Variants in MECOM observed in about 807,000 individuals in gnomAD.
MECOM encodes the protein histone-lysine N-methyltransferase MECOM.
MECOM carries 13 observed loss-of-function variants against 116.3 expected under a neutral mutation model. The ratio of observed to expected loss-of-function variants is 0.11; its 90% CI spans 0.07 to 0.18. MECOM has a LOEUF of 0.18. Ranked by LOEUF, MECOM falls within the 10% of genes least tolerant of loss-of-function variation. The pLI is 1.00. For synonymous variants in MECOM, 528 were observed against 535.2 expected (o/e 0.99, Z 0.19); for missense variants, 1,299 against 1,509.0 (o/e 0.86, Z 2.31).
At chr3:169,244,982 A>T (rs1452333665) in intron 2 of MECOM, among the ~76,000 whole-genome samples, 1 of 152,242 alleles carries the variant, frequency 6.6e-6, no homozygotes, top group Non-Finnish European at 1.5e-5. Context: ...AACAAACAAC[A>T]GCAAAAAAAC....
chr3:169,200,349 C>G (rs1044315128), intron 2 of MECOM, among the ~76,000 whole-genome samples: 7 of 152,028 alleles, frequency 4.6e-5, no homozygotes, highest in African/African-American at 1.7e-4. Flanking sequence ...CTTTTCGTCT[C>G]TACATTCATG....
At chr3:169,412,061 G>A (rs1047323506) in intron 1 of MECOM, among the ~76,000 whole-genome samples, 3 of 151,436 alleles carry the variant, frequency 2.0e-5, no homozygotes, top group Admixed American at 1.3e-4. Flanking sequence ...CAAGGCAGGT[G>A]GATCACCTGA....
chr3:169,347,399 C>T (rs564740158), intron 2 of MECOM, among the ~76,000 whole-genome samples: 2 of 151,984 alleles, frequency 1.3e-5, no homozygotes, highest in Non-Finnish European at 2.9e-5. Flanking sequence ...TGTCCGCATA[C>T]ACACAATGTC....
intron 1 of MECOM, among the ~76,000 whole-genome samples, chr3:169,644,273 T>C (rs1245266882): frequency 2.1e-5 from 3 of 143,382 alleles, no homozygotes; most frequent in East Asian, 4.1e-4. Context: ...TATTTATTTA[T>C]TGAGACAGGG....
intron 3 of MECOM, among the ~76,000 whole-genome samples, chr3:169,136,579 T>A (rs1188480054): frequency 1.3e-5 from 2 of 152,036 alleles, no homozygotes; most frequent in Non-Finnish European, 2.9e-5. Flanking sequence ...TAAAAGACTT[T>A]CAGTCTAACT....
intron 1 of MECOM, among the ~76,000 whole-genome samples, chr3:169,442,670 AAAAC>A (rs1040587437): frequency 5.9e-5 from 9 of 152,330 alleles, no homozygotes; most frequent in African/African-American, 2.2e-4. Flanking sequence ...GCAAACAGGC[AAAAC>A]AAACAAATAA....
intron 2 of MECOM, among the ~76,000 whole-genome samples, chr3:169,207,479 T>A (rs948328987): frequency 6.6e-6 from 1 of 152,178 alleles, no homozygotes; most frequent in Admixed American, 6.6e-5. Flanking sequence ...TAAGAAAAGA[T>A]CATCTAAAAT....
intron 2 of MECOM, among the ~76,000 whole-genome samples, chr3:169,247,553 C>A (rs1015174374): frequency 3.9e-5 from 6 of 152,340 alleles, no homozygotes; most frequent in Admixed American, 3.9e-4. Context: ...ATCTACCCGC[C>A]TCGGCCTCCC....
chr3:169,354,443 T>G (rs76821004), intron 2 of MECOM, among the ~76,000 whole-genome samples: 3,685 of 152,034 alleles, frequency 0.024, 84 homozygotes, highest in East Asian at 0.073. Context: ...TTCATAATAT[T>G]TCCATATTTA....
chr3:169,560,481 T>C (rs1266305122), intron 1 of MECOM, among the ~76,000 whole-genome samples: 1 of 152,142 alleles, frequency 6.6e-6, no homozygotes, highest in African/African-American at 2.4e-5. Flanking sequence ...TTATAAAAAA[T>C]TTATATCCCC....
intron 1 of MECOM, among the ~76,000 whole-genome samples, chr3:169,568,725 G>A (rs1199791804): frequency 6.6e-6 from 1 of 152,072 alleles, no homozygotes; most frequent in South Asian, 2.1e-4. Context: ...CCAGTCAGGG[G>A]TTTATAGTTC....
At chr3:169,663,195 G>T in intron 1 of MECOM, 141 bp downstream of exon 1, 1 of 929,606 alleles carries the variant, frequency 1.1e-6, no homozygotes, top group Non-Finnish European at 1.7e-6. Flanking sequence ...CCGGCAGGTT[G>T]CTGGGGCTGC....
chr3:169,152,395 G>A (rs1452180314), intron 2 of MECOM, among the ~76,000 whole-genome samples: 4 of 152,182 alleles, frequency 2.6e-5, no homozygotes, highest in African/African-American at 9.7e-5. Context: ...TTCTCCAGGA[G>A]AAGACAGAAG....
intron 1 of MECOM, among the ~76,000 whole-genome samples, chr3:169,562,312 G>A (rs780546689): frequency 1.3e-5 from 2 of 152,040 alleles, no homozygotes; most frequent in Non-Finnish European, 2.9e-5. Context: ...ATAAACAGTG[G>A]TTAGAACTGA....
At chr3:169,540,497 T>C (rs769067865) in intron 1 of MECOM, among the ~76,000 whole-genome samples, 4 of 152,264 alleles carry the variant, frequency 2.6e-5, no homozygotes, top group Non-Finnish European at 4.4e-5. Context: ...AATGTGGCCA[T>C]GTCATGGCCC....
chr3:169,535,303 G>A (rs1759213972), intron 1 of MECOM, among the ~76,000 whole-genome samples: 1 of 151,986 alleles, frequency 6.6e-6, no homozygotes, highest in South Asian at 2.1e-4. Flanking sequence ...CCATCCCATT[G>A]GCCCCAAGAG....
At chr3:169,613,704 C>A (rs1318386615) in intron 1 of MECOM, 2 of 152,200 alleles carry the variant, frequency 1.3e-5, no homozygotes, top group East Asian at 3.9e-4. Flanking sequence ...CAGTGAATAC[C>A]TTCTGAGGTG....
chr3:169,244,849 T>C (rs549141697), intron 2 of MECOM, among the ~76,000 whole-genome samples: 2 of 152,194 alleles, frequency 1.3e-5, no homozygotes, highest in African/African-American at 4.8e-5. Context: ...AAAGAGAAGA[T>C]TGCCACACCA....
intron 1 of MECOM, among the ~76,000 whole-genome samples, chr3:169,429,606 T>A (rs956287321): frequency 5.3e-5 from 8 of 152,320 alleles, no homozygotes; most frequent in South Asian, 2.1e-4. Context: ...TCTTGAAAAT[T>A]CGGCTCTAGA....
Sources: gnomAD v4.1 joint callset for allele counts (sites outside exome capture counted in the v4.1 genomes callset) on GRCh38, gnomAD v4.1.1 for gene constraint, MANE v1.5 for transcripts, NCBI Gene and HGNC (gene_info 2026-07-23, HGNC 2026-07-21) for gene names.